Variants in ERBB4 observed in about 807,000 individuals in gnomAD.
ERBB4 encodes the protein erb-b2 receptor tyrosine kinase 4, also known as receptor tyrosine-protein kinase erbB-4.
In ERBB4, 42 loss-of-function variants were observed where a neutral mutation model predicts 158.0. That is an observed-to-expected ratio of 0.27 (90% confidence interval 0.21 to 0.34). The LOEUF (loss-of-function observed/expected upper bound fraction) is 0.34, where lower values mean the gene tolerates loss of function less well. ERBB4 is among the 10% of genes least tolerant of loss of function. ERBB4 has a pLI of 1.00. For synonymous variants in ERBB4, 583 were observed against 558.7 expected (o/e 1.04, Z -0.61); for missense variants, 1,333 against 1,624.1 (o/e 0.82, Z 3.08).
At chr2:212,328,585 A>G (rs1208770809) in intron 1 of ERBB4, among the ~76,000 whole-genome samples, 1 of 152,076 alleles carries the variant, frequency 6.6e-6, no homozygotes, top group Non-Finnish European at 1.5e-5. Context: ...CAGAGGATTC[A>G]GAAAGGTCTA....
chr2:212,335,078 C>A (rs2088364281), intron 1 of ERBB4, among the ~76,000 whole-genome samples: 4 of 151,998 alleles, frequency 2.6e-5, no homozygotes, highest in Admixed American at 2.6e-4. Context: ...TGAATGAGAG[C>A]TATTCTGTAA....
chr2:211,916,400 G>A (rs905597563), intron 3 of ERBB4, among the ~76,000 whole-genome samples: 6 of 151,948 alleles, frequency 3.9e-5, no homozygotes, highest in South Asian at 2.1e-4. Flanking sequence ...GGCTGGTCTC[G>A]AACTCCTGAC....
At chr2:211,843,130 A>G (rs2077511410) in intron 3 of ERBB4, among the ~76,000 whole-genome samples, 1 of 152,184 alleles carries the variant, frequency 6.6e-6, no homozygotes, top group Non-Finnish European at 1.5e-5. Flanking sequence ...TAATTAAAGA[A>G]CATGGAGTAG....
At chr2:211,917,707 T>G (rs1489006952) in intron 3 of ERBB4, among the ~76,000 whole-genome samples, 1 of 151,898 alleles carries the variant, frequency 6.6e-6, no homozygotes. Context: ...TGGGATGGTT[T>G]GAAGACCAGG....
intron 1 of ERBB4, among the ~76,000 whole-genome samples, chr2:212,531,463 G>A (rs112794414): frequency 1.3e-5 from 2 of 152,190 alleles, no homozygotes; most frequent in Non-Finnish European, 2.9e-5. Context: ...TCTTAGTTAG[G>A]GCCATGATGA....
At chr2:212,089,922 C>A (rs2078723833) in intron 2 of ERBB4, among the ~76,000 whole-genome samples, 1 of 152,104 alleles carries the variant, frequency 6.6e-6, no homozygotes, top group Non-Finnish European at 1.5e-5. Flanking sequence ...TTGATAAGAA[C>A]AAGTTGCTTA....
At chr2:212,250,962 G>C (rs1049417964) in intron 1 of ERBB4, among the ~76,000 whole-genome samples, 1 of 151,950 alleles carries the variant, frequency 6.6e-6, no homozygotes, top group Non-Finnish European at 1.5e-5. Context: ...TTGACTGAGA[G>C]ATTTTGCAAC....
At chr2:211,951,190 A>G (rs2080865327) in intron 2 of ERBB4, among the ~76,000 whole-genome samples, 1 of 152,146 alleles carries the variant, frequency 6.6e-6, no homozygotes, top group East Asian at 1.9e-4. Context: ...TTCTTATCAA[A>G]AAGTGTAAAA....
rs1376190974 is a variant in ERBB4, at chr2:212,452,453, A to T, written c.82+85996T>A. On this transcript the variant is annotated intron_variant, in intron 1 of 27. Transcript: ENST00000342788. ...AATGTGCAAGGGAATATGACCTAGA[A>T]ACCAAAAACAAATTTAGCTTTCCTG... Among the ~76,000 whole-genome samples the T allele has an allele frequency of 2.0e-5, 3 of 152,190 alleles. No homozygotes were observed. The East Asian group carries it at 5.8e-4, about 29-fold the overall frequency.
At chr2:211,524,948 A>G (rs1258366370) in intron 20 of ERBB4, among the ~76,000 whole-genome samples, 2 of 152,182 alleles carry the variant, frequency 1.3e-5, no homozygotes, top group Non-Finnish European at 2.9e-5. Context: ...TGAACAGCAG[A>G]AAGTAAAACT....
At chr2:212,515,427 G>A (rs1183306287) in intron 1 of ERBB4, among the ~76,000 whole-genome samples, 1 of 151,804 alleles carries the variant, frequency 6.6e-6, no homozygotes, top group Admixed American at 6.6e-5. Context: ...ATTTAAAAAA[G>A]ATATAATAAA....
chr2:211,515,824 A>G (rs2066007261), intron 20 of ERBB4, among the ~76,000 whole-genome samples: 1 of 149,502 alleles, frequency 6.7e-6, no homozygotes. Flanking sequence ...CAGGCAGCTA[A>G]GTCAAGAAAG....
At chr2:212,041,847 T>G (rs2077148852) in intron 2 of ERBB4, among the ~76,000 whole-genome samples, 1 of 152,132 alleles carries the variant, frequency 6.6e-6, no homozygotes, top group Non-Finnish European at 1.5e-5. Flanking sequence ...TTATAATTAC[T>G]CTAACAGCTC....
chr2:211,628,101 TG>T (rs1341559172), intron 17 of ERBB4, among the ~76,000 whole-genome samples: 1 of 152,246 alleles, frequency 6.6e-6, no homozygotes, highest in African/African-American at 2.4e-5. Context: ...CTGTTAGTTT[TG>T]TTTTGAAACA....
chr2:212,114,245 C>G (rs1259876637), intron 2 of ERBB4, among the ~76,000 whole-genome samples: 1 of 152,170 alleles, frequency 6.6e-6, no homozygotes, highest in Non-Finnish European at 1.5e-5. Flanking sequence ...AGTAAAATAT[C>G]TCTGAAGAAA....
At chr2:211,701,592 TA>T (rs2073243582) in intron 12 of ERBB4, among the ~76,000 whole-genome samples, 1 of 151,744 alleles carries the variant, frequency 6.6e-6, no homozygotes, top group African/African-American at 2.4e-5. Flanking sequence ...CCATCTCTAC[TA>T]AAAATACCAA....
At chr2:212,385,062 A>G (rs2090632396) in intron 1 of ERBB4, among the ~76,000 whole-genome samples, 1 of 151,576 alleles carries the variant, frequency 6.6e-6, no homozygotes, top group Non-Finnish European at 1.5e-5. Context: ...TATGACAGAA[A>G]AATTCAACAG....
chr2:212,198,089 G>A (rs1166881364), intron 1 of ERBB4, among the ~76,000 whole-genome samples: 1 of 152,130 alleles, frequency 6.6e-6, no homozygotes, highest in Admixed American at 6.6e-5. Flanking sequence ...ATATGAGAAT[G>A]TTTAATTGAT....
At chr2:212,394,291 T>C (rs534927023) in intron 1 of ERBB4, among the ~76,000 whole-genome samples, 2 of 152,220 alleles carry the variant, frequency 1.3e-5, no homozygotes, top group African/African-American at 4.8e-5. Flanking sequence ...GAAATTCATT[T>C]AATATTTTAA....
Sources: allele counts gnomAD v4.1 joint callset (sites outside exome capture counted in the v4.1 genomes callset), GRCh38; gene constraint gnomAD v4.1.1; transcripts MANE v1.5; gene names NCBI Gene and HGNC (gene_info 2026-07-23, HGNC 2026-07-21).